The following ARHGEF12 variants were observed in gnomAD, a reference collection of about 807,000 sequenced individuals.
ARHGEF12 encodes Rho guanine nucleotide exchange factor 12, also known as KMT2A/ARHGEF12 fusion protein.
A neutral mutation model predicts 211.2 loss-of-function variants in ARHGEF12; 66 were observed. That is an observed-to-expected ratio of 0.31 (90% CI 0.26 to 0.38). ARHGEF12 has a LOEUF of 0.38. Ranked by LOEUF, ARHGEF12 falls within the 10% of genes least tolerant of loss-of-function variation. ARHGEF12 has a pLI of 1.00. For missense variants in ARHGEF12, 1,429 were observed against 1,869.5 expected (o/e 0.76, Z 4.34); for synonymous variants, 592 against 638.4 (o/e 0.93, Z 1.09).
chr11:120,428,290 A>G, intron 8 of ARHGEF12, 43 bp downstream of exon 8: 1 of 1,458,990 alleles, frequency 6.9e-7, no homozygotes, highest in Non-Finnish European at 9.1e-7. Flanking sequence ...CAGTCTTATA[A>G]GGATGTGTTT....
intron 17 of ARHGEF12, 27 bp downstream of exon 17, chr11:120,446,535 A>C: frequency 1.8e-5 from 27 of 1,529,196 alleles, no homozygotes; most frequent in Non-Finnish European, 2.2e-5. Flanking sequence ...ATAGAATTTC[A>C]TATGATTATT....
At chr11:120,459,126 T>C in intron 25 of ARHGEF12, 48 bp from the exon 26 acceptor site, 1 of 1,471,188 alleles carries the variant, frequency 6.8e-7, no homozygotes, top group Middle Eastern at 1.8e-4. Context: ...ATTGATCCCA[T>C]GGAATTGTTC....
intron 28 of ARHGEF12, among the ~76,000 whole-genome samples, chr11:120,465,708 T>A (rs1447828993): frequency 6.6e-6 from 1 of 152,206 alleles, no homozygotes; most frequent in Non-Finnish European, 1.5e-5. Context: ...CCTCAAGTGA[T>A]CTGCCCACCT....
intron 22 of ARHGEF12, among the ~76,000 whole-genome samples, chr11:120,454,067 G>A (rs547289252): frequency 6.6e-6 from 1 of 152,130 alleles, no homozygotes; most frequent in Admixed American, 6.5e-5. Context: ...AGTATTGATC[G>A]CTTGGAGTTC....
At position 120,427,585 on chromosome 11, in the gene ARHGEF12, T is replaced by G. The variant is rs1945384624; in HGVS notation, c.407-484T>G. ...ACTTGTGGGGGCTGAGGAGGGAGGA[T>G]TGCTTGAACCCAGGAAGTCGAGGCT... On this transcript the variant is annotated intron_variant, in intron 7 of 40. Coordinates refer to ENST00000397843, the MANE Select transcript of ARHGEF12 (RefSeq NM_015313.3). Among the ~76,000 whole-genome samples, 16 of 149,992 alleles carry G rather than the reference T, an allele frequency of 1.1e-4. No individual in the cohort carries two copies. In the South Asian group the frequency reaches 3.4e-3, roughly 32 times the overall value.
intron 21 of ARHGEF12, chr11:120,450,464 C>G (rs546092632): frequency 6.6e-6 from 1 of 151,898 alleles, no homozygotes; most frequent in Middle Eastern, 3.2e-3. Flanking sequence ...CGAGTTCTCC[C>G]TCAAATGCCA....
At chr11:120,385,108 A>T (rs1425123519) in intron 1 of ARHGEF12, among the ~76,000 whole-genome samples, 1 of 152,038 alleles carries the variant, frequency 6.6e-6, no homozygotes, top group African/African-American at 2.4e-5. Context: ...TATGAGAGGT[A>T]TTTGGCCTGT....
chr11:120,445,865 C>T (rs1946028592), intron 16 of ARHGEF12, among the ~76,000 whole-genome samples: 1 of 151,302 alleles, frequency 6.6e-6, no homozygotes, highest in African/African-American at 2.4e-5. Flanking sequence ...GCCATTAACA[C>T]TCCAGCCTGG....
chr11:120,465,014 A>G (rs547705635), intron 27 of ARHGEF12: 1 of 545,666 alleles, frequency 1.8e-6, no homozygotes, highest in Middle Eastern at 4.2e-4. Context: ...AAAAAAAAGA[A>G]AAAAAAAAGA....
intron 1 of ARHGEF12, among the ~76,000 whole-genome samples, chr11:120,343,391 T>C (rs1942594048): frequency 6.6e-6 from 1 of 152,224 alleles, no homozygotes. Flanking sequence ...ATCATCAAGA[T>C]AGTCATATAG....
intron 2 of ARHGEF12, 93 bp downstream of exon 2, chr11:120,406,234 T>A: frequency 1.2e-6 from 1 of 827,156 alleles, no homozygotes; most frequent in Non-Finnish European, 1.8e-6. Context: ...TTGTGGTTTT[T>A]GAGAATGTGT....
At chr11:120,479,191 A>G (rs76844672) in intron 37 of ARHGEF12, among the ~76,000 whole-genome samples, 1 of 152,226 alleles carries the variant, frequency 6.6e-6, no homozygotes, top group South Asian at 2.1e-4. Flanking sequence ...CATCAGAGCC[A>G]TGAGACTTCC....
intron 17 of ARHGEF12, among the ~76,000 whole-genome samples, chr11:120,446,719 A>G (rs1049406062): frequency 1.3e-5 from 2 of 152,180 alleles, no homozygotes; most frequent in African/African-American, 4.8e-5. Context: ...ATCTGAGCTC[A>G]GTGCTGTGTC....
intron 30 of ARHGEF12, 80 bp downstream of exon 30, chr11:120,469,468 TG>T: frequency 1.1e-5 from 13 of 1,179,320 alleles, no homozygotes; most frequent in South Asian, 1.5e-5. Flanking sequence ...GTGAAATAGT[TG>T]TTAAAACTAT....
At chr11:120,453,679 C>G (rs994370729) in intron 22 of ARHGEF12, among the ~76,000 whole-genome samples, 1 of 152,102 alleles carries the variant, frequency 6.6e-6, no homozygotes, top group Non-Finnish European at 1.5e-5. Flanking sequence ...TTCTTGCCAC[C>G]GTTAATGCAG....
chr11:120,376,663 A>G (rs1431740915), intron 1 of ARHGEF12, among the ~76,000 whole-genome samples: 1 of 152,066 alleles, frequency 6.6e-6, no homozygotes, highest in Non-Finnish European at 1.5e-5. Flanking sequence ...CATTCCAATT[A>G]TACTCTTCTA....
At chr11:120,473,626 T>G (rs760927381) in intron 31 of ARHGEF12, among the ~76,000 whole-genome samples, 4 of 152,168 alleles carry the variant, frequency 2.6e-5, no homozygotes, top group Non-Finnish European at 5.9e-5. Flanking sequence ...CCAGATTTCC[T>G]GGGCTCAAGT....
chr11:120,395,116 A>G (rs557349358), intron 1 of ARHGEF12, among the ~76,000 whole-genome samples: 122 of 151,726 alleles, frequency 8.0e-4, no homozygotes, highest in Non-Finnish European at 1.5e-3. Flanking sequence ...TATGGCAATA[A>G]ATTTAACAAT....
At chr11:120,462,527 G>T (rs1026581334) in intron 27 of ARHGEF12, 3 of 152,078 alleles carry the variant, frequency 2.0e-5, no homozygotes, top group Admixed American at 2.0e-4. Context: ...ACTTGCTCAG[G>T]GTTGCCATCA....
Sources: gnomAD v4.1 joint callset for allele counts (sites outside exome capture counted in the v4.1 genomes callset) on GRCh38, gnomAD v4.1.1 for gene constraint, MANE v1.5 for transcripts, NCBI Gene and HGNC (gene_info 2026-07-23, HGNC 2026-07-21) for gene names.